Variants in KCNQ1 observed in about 807,000 individuals in gnomAD.
KCNQ1 encodes the protein potassium voltage-gated channel subfamily KQT member 1.
Under a neutral mutation model 72.4 loss-of-function variants are expected in KCNQ1, and 49 were observed. The observed-to-expected ratio is 0.68, with a 90% CI of 0.54 to 0.86. KCNQ1 has a LOEUF of 0.86. KCNQ1 is among the 40% of genes least tolerant of loss of function. The pLI is 0.00. For missense variants in KCNQ1, 790 were observed against 945.1 expected (o/e 0.84, Z 2.15); for synonymous variants, 450 against 412.6 (o/e 1.09, Z -1.10).
At position 2,477,877 on chromosome 11, in the gene KCNQ1, CA is replaced by C. The variant is rs1202075564; in HGVS notation, c.386+32394del. On this transcript the variant is annotated intron_variant, in intron 1 of 15. Coordinates refer to ENST00000155840, the MANE Select transcript of KCNQ1 (RefSeq NM_000218.3). The surrounding 1 kb of genome is among the most constrained non-coding windows in gnomAD (Gnocchi z 5.0). The stretch of plus-strand genomic sequence containing the variant: ...AAGTGGAAGAAAGGAATCCAGTTCT[CA>C]CGTTAGAATCAACAGGGCTGGAAGG... 2.0e-5 allele frequency among the ~76,000 whole-genome samples: 3 copies of C among 152,174 alleles called. No homozygotes were observed. The highest frequency in any genetic ancestry group is 4.4e-5 in the Non-Finnish European group (3 of 68,026).
intron 1 of KCNQ1, among the ~76,000 whole-genome samples, chr11:2,525,418 C>T (rs146023464): frequency 7.9e-5 from 12 of 152,350 alleles, no homozygotes; most frequent in African/African-American, 1.4e-4. Context: ...TAGCGCTGTG[C>T]GGATTATAGT....
chr11:2,657,743 G>A lies in KCNQ1; in HGVS notation c.1394-4218G>A, dbSNP rs1233688412. 5 of 398,356 alleles carry A rather than the reference G, an allele frequency of 1.3e-5. No individual in the cohort carries two copies. Among genetic ancestry groups the A allele is most frequent in the Non-Finnish European group, 1.8e-5 (4 of 226,038 alleles). The allele number at this position is 398,356 out of a possible 1,614,324, so 24.7% of individuals were successfully genotyped here. ...TTTATTGTCATCTCTGATCGGTGAC[G>A]GGCTTCTCAGTCTTGTTCTTCATTA... On this transcript the variant is annotated intron_variant, in intron 10 of 15. Transcript: ENST00000155840. This position sits in a 1 kb window ranked among gnomAD's most constrained non-coding sequence, Gnocchi z 4.8.
At position 2,670,373 on chromosome 11, in the gene KCNQ1, T is replaced by C. The variant is rs551027545; in HGVS notation, c.1514+8292T>C. ...TTCAGATGGTTAGTATAGGCTGAAA[T>C]TCCAAGAGCATTAACCAGACACCTA... is the stretch of plus-strand genomic sequence containing the variant. On this transcript the variant is annotated intron_variant, in intron 11 of 15. Transcript: ENST00000155840. This position sits in a 1 kb window ranked among gnomAD's most constrained non-coding sequence, Gnocchi z 4.9. 2 of 398,286 alleles carry C rather than the reference T, an allele frequency of 5.0e-6. No homozygotes were observed. Among genetic ancestry groups the C allele is most frequent in the Non-Finnish European group, 8.8e-6 (2 of 226,042 alleles). The allele number at this position is 398,286 out of a possible 1,614,324, so 24.7% of individuals were successfully genotyped here.
intron 15 of KCNQ1, among the ~76,000 whole-genome samples, chr11:2,788,006 G>A (rs1455297246): frequency 6.6e-6 from 1 of 152,206 alleles, no homozygotes; most frequent in Non-Finnish European, 1.5e-5. Context: ...GTGTGGGGAG[G>A]TGAGTGTGGC....
At chr11:2,596,937 T>A (rs963219258) in intron 10 of KCNQ1, among the ~76,000 whole-genome samples, 1 of 151,974 alleles carries the variant, frequency 6.6e-6, no homozygotes, top group Non-Finnish European at 1.5e-5. Context: ...TAATTTTTTA[T>A]TGATAACCTA....
chr11:2,641,328 CT>C (rs1204131541), intron 10 of KCNQ1: 3 of 398,088 alleles, frequency 7.5e-6, no homozygotes, highest in African/African-American at 2.1e-5. Flanking sequence ...TAATTTTTGT[CT>C]TTTTAAAATA....
At chr11:2,846,877 C>T (rs1848340478) in intron 15 of KCNQ1, among the ~76,000 whole-genome samples, 1 of 152,240 alleles carries the variant, frequency 6.6e-6, no homozygotes, top group South Asian at 2.1e-4. Context: ...GGGTTCTGTC[C>T]TGCCTTGACC....
At chr11:2,842,409 C>T (rs1218837188) in intron 15 of KCNQ1, among the ~76,000 whole-genome samples, 1 of 152,226 alleles carries the variant, frequency 6.6e-6, no homozygotes, top group Non-Finnish European at 1.5e-5. Context: ...TTGCTGCTTG[C>T]TCTCCACGCA....
chr11:2,553,931 G>A (rs1423154765), intron 2 of KCNQ1, among the ~76,000 whole-genome samples: 2 of 152,286 alleles, frequency 1.3e-5, no homozygotes, highest in South Asian at 4.1e-4. Context: ...TGGCCAGGGT[G>A]GTCTTGAACT....
rs1301104680 is a variant in KCNQ1, at chr11:2,483,953, T to C, written c.386+38469T>C. On this transcript the variant is annotated intron_variant, in intron 1 of 15. Transcript: ENST00000155840. This position sits in a 1 kb window ranked among gnomAD's most constrained non-coding sequence, Gnocchi z 6.1. ...TTTAGTGCCCATCAGCTGGTTTTGC[T>C]TGTGACAGGCAAAGTCTGTGGTGCT... 6.6e-6 allele frequency among the ~76,000 whole-genome samples: 1 copy of C among 152,232 alleles called. No homozygotes were observed. Among genetic ancestry groups the C allele is most frequent in the African/African-American group, 2.4e-5 (1 of 41,462 alleles).
Position 2,566,193 on chromosome 11 carries a change from C to G in KCNQ1, c.478-4435C>G, listed in dbSNP as rs1848244758. On this transcript the variant is annotated intron_variant, in intron 2 of 15. Coordinates refer to ENST00000155840, the MANE Select transcript of KCNQ1 (RefSeq NM_000218.3). The surrounding 1 kb of genome is among the most constrained non-coding windows in gnomAD (Gnocchi z 6.7). ...GCAGCCTGGTGTCCTTATCTCATGT[C>G]TGGGTCCCCTTTGCCAAGGGTCCTC... 6.6e-6 allele frequency among the ~76,000 whole-genome samples: 1 copy of G among 152,164 alleles called. No individual in the cohort carries two copies. The highest frequency in any genetic ancestry group is 1.5e-5 in the Non-Finnish European group (1 of 68,030).
At chr11:2,560,151 C>T (rs1848137788) in intron 2 of KCNQ1, among the ~76,000 whole-genome samples, 1 of 82,100 alleles carries the variant, frequency 1.2e-5, no homozygotes, top group African/African-American at 5.1e-5. Flanking sequence ...ATGTCCAGCC[C>T]AGGGGAATGA....
rs1850579665 is a variant in KCNQ1 at position 2,691,048 on chromosome 11, G to A, written c.1514+28967G>A. The A allele has an allele frequency of 2.5e-6, 1 of 398,550 alleles. No individual in the cohort carries two copies. Among genetic ancestry groups the A allele is most frequent in the Non-Finnish European group, 4.4e-6 (1 of 226,098 alleles). 24.7% of individuals were successfully genotyped at this position (398,550 alleles called of 1,614,324 possible). A position where few individuals can be genotyped will look rare whatever the true frequency, so the allele number is the denominator to read the frequency against. On this transcript the variant is annotated intron_variant, in intron 11 of 15. Transcript: ENST00000155840. This position sits in a 1 kb window ranked among gnomAD's most constrained non-coding sequence, Gnocchi z 6.4. ...TGGCTCAGGTATCAGGATATGCTGG[G>A]TGAGGGAAATAATGGAGGCACCTTT...
Position 2,654,929 on chromosome 11 carries a change from A to T in KCNQ1, c.1394-7032A>T. On this transcript the variant is annotated intron_variant, in intron 10 of 15. Coordinates refer to ENST00000155840, the MANE Select transcript of KCNQ1 (RefSeq NM_000218.3). This position sits in a 1 kb window ranked among gnomAD's most constrained non-coding sequence, Gnocchi z 6.4. ...TCGTGGGCCAGAGAGCAAGGCACAG[A>T]TACAGGAGACTTCCACAAATTATTG... The T allele has an allele frequency of 2.5e-6, 1 of 398,642 alleles. No individual in the cohort carries two copies. Among genetic ancestry groups the T allele is most frequent in the Non-Finnish European group, 4.4e-6 (1 of 226,076 alleles). 24.7% of individuals were successfully genotyped at this position (398,642 alleles called of 1,614,324 possible).
intron 5 of KCNQ1, among the ~76,000 whole-genome samples, 193 bp downstream of exon 5, chr11:2,572,302 C>T (rs1189715468): frequency 6.6e-6 from 1 of 152,202 alleles, no homozygotes; most frequent in East Asian, 1.9e-4. Context: ...ATGCTCCACC[C>T]CAGCCTGGTG....
rs1309132544 is a variant in KCNQ1, at chr11:2,759,871, C to T, written c.1515-8973C>T. On this transcript the variant is annotated intron_variant, in intron 11 of 15. Transcript: ENST00000155840. This position sits in a 1 kb window ranked among gnomAD's most constrained non-coding sequence, Gnocchi z 4.4. ...AGCCCCACCCTGAGCTGTACTGGAC[C>T]CAAGCCCCAGGACCCCCTGGAGTCA... Among the ~76,000 whole-genome samples, 1 of 152,104 alleles carries T rather than the reference C, an allele frequency of 6.6e-6. No homozygotes were observed. Among genetic ancestry groups the T allele is most frequent in the Non-Finnish European group, 1.5e-5 (1 of 67,998 alleles).
At chr11:2,568,656 A>G (rs1418654446) in intron 2 of KCNQ1, among the ~76,000 whole-genome samples, 2 of 152,156 alleles carry the variant, frequency 1.3e-5, no homozygotes, top group Admixed American at 1.3e-4. Context: ...TCATTCGTTC[A>G]TTCAGCATGT....
In KCNQ1 at chr11:2,703,031, G is replaced by C. The variant is rs961445898; in HGVS notation, c.1514+40950G>C. Among the ~76,000 whole-genome samples, 1 of 152,134 alleles carries C rather than the reference G, an allele frequency of 6.6e-6. No individual in the cohort carries two copies. The highest frequency in any genetic ancestry group is 1.5e-5 in the Non-Finnish European group (1 of 68,024). On this transcript the variant is annotated intron_variant, in intron 11 of 15. Transcript: ENST00000155840. The surrounding 1 kb of genome is among the most constrained non-coding windows in gnomAD (Gnocchi z 6.4). ...ACTGAGAGGGGTTTGTTGTCTCGTC[G>C]GGCGACAAGAGACACGTGGGAATTG...
rs1283882110 is a variant in KCNQ1, at chr11:2,613,157, G to T, written c.1393+24303G>T. On this transcript the variant is annotated intron_variant, in intron 10 of 15. Transcript: ENST00000155840. The surrounding 1 kb of genome is among the most constrained non-coding windows in gnomAD (Gnocchi z 4.8). The stretch of plus-strand genomic sequence containing the variant: ...CTCTGCTGAGGGGATCTATGTGTGG[G>T]TTGGGACATTCAAAGTTCAGGCACT... The T allele has an allele frequency of 5.5e-5, 22 of 398,430 alleles. No individual in the cohort carries two copies. The highest frequency in any genetic ancestry group is 9.7e-5 in the Non-Finnish European group (22 of 226,074). The allele number at this position is 398,430 out of a possible 1,614,324, so 24.7% of individuals were successfully genotyped here.
Sources: gnomAD v4.1 joint callset for allele counts (sites outside exome capture counted in the v4.1 genomes callset) on GRCh38, gnomAD v4.1.1 for gene constraint, Gnocchi (gnomAD v3.1) non-coding constraint, MANE v1.5 for transcripts, NCBI Gene and HGNC (gene_info 2026-07-23, HGNC 2026-07-21) for gene names.